Variants in PRRG4 observed in about 807,000 individuals in gnomAD.
PRRG4 encodes transmembrane gamma-carboxyglutamic acid protein 4.
A neutral mutation model predicts 20.0 loss-of-function variants in PRRG4; 12 were observed. The observed-to-expected ratio is 0.60, with a 90% confidence interval of 0.38 to 0.97. PRRG4 has a LOEUF of 0.97. PRRG4 is among the 50% of genes least tolerant of loss of function. The probability of loss-of-function intolerance (pLI) is 0.00; values close to 1 mark genes in which losing one functional copy is unlikely to be tolerated. For missense variants in PRRG4, 199 were observed against 265.1 expected, an observed-to-expected ratio of 0.75 and a Z score of 1.73; for synonymous variants, 94 against 96.4, an observed-to-expected ratio of 0.98 and a Z score of 0.15.
chr11:32,847,432 G>A (rs1435410904), intron 5 of PRRG4, among the ~76,000 whole-genome samples: 1 of 152,172 alleles, frequency 6.6e-6, no homozygotes, highest in Non-Finnish European at 1.5e-5. Context: ...AGAGCCAGGT[G>A]CAGTGGCATG....
At chr11:32,836,033 C>A (rs1333351111) in intron 2 of PRRG4, among the ~76,000 whole-genome samples, 1 of 151,956 alleles carries the variant, frequency 6.6e-6, no homozygotes. Context: ...ACCCAGGAGG[C>A]GGAGATTGCA....
chr11:32,831,611 C>G (rs1397679133), intron 2 of PRRG4, among the ~76,000 whole-genome samples: 1 of 152,206 alleles, frequency 6.6e-6, no homozygotes, highest in Non-Finnish European at 1.5e-5. Context: ...TAGTCCCTCT[C>G]AAGCTGCACC....
At chr11:32,836,565 A>G (rs1028700519) in intron 2 of PRRG4, 93 bp from the exon 3 acceptor site, 1 of 663,968 alleles carries the variant, frequency 1.5e-6, no homozygotes, top group African/African-American at 1.8e-5. Context: ...ATTTAGCCAC[A>G]TCAAGAGAAC....
intron 5 of PRRG4, among the ~76,000 whole-genome samples, chr11:32,843,730 G>GTTTTTTT (rs11367288): frequency 7.0e-6 from 1 of 141,998 alleles, no homozygotes; most frequent in Admixed American, 7.0e-5. Flanking sequence ...CCGTTTTTCT[G>GTTTTTTT]TTTTTTTTTT....
In PRRG4 at chr11:32,836,699, C is replaced by T. The variant is rs765496490; in HGVS notation, c.145C>T (p.Arg49Cys). Residue 49 changes from arginine (R) to cysteine (C), a missense_variant, in exon 3 of 6, where the codon CGC (arginine) becomes TGC (cysteine). Physicochemically the swap from Arg to Cys is radical, Grantham distance 180. Coordinates refer to ENST00000257836, the MANE Select transcript of PRRG4 (RefSeq NM_024081.6). ...AGAAGCAAACTTTTTCATACATAGACGCCTTCTGTATAATAGATTTGATCT... is the reference window on the plus strand; with the variant it reads ...AGAAGCAAACTTTTTCATACATAGATGCCTTCTGTATAATAGATTTGATCT... Reference protein sequence around the residue: ...KEEANFFIHRRLLYNRFDLEL... With the variant: ...KEEANFFIHRCLLYNRFDLEL... The T allele has an allele frequency of 6.2e-6, 10 of 1,604,232 alleles. No individual in the cohort carries two copies. Among genetic ancestry groups the T allele is most frequent in the Middle Eastern group, 1.7e-4 (1 of 6,056 alleles).
In PRRG4 at chr11:32,830,601, T is replaced by C. The variant is rs959895668; in HGVS notation, c.72T>C (p.Gly24=). 1 of 1,613,686 alleles carries C rather than the reference T, an allele frequency of 6.2e-7. No individual in the cohort carries two copies. The highest frequency in any genetic ancestry group is 8.5e-7 in the Non-Finnish European group (1 of 1,179,890). ...VTLGFPHCAR[G]PKASKHAGEE... ...TGGGGTTTCCTCATTGCGCAAGAGG[T>C]CCAAAGGCTTCTAAGCATGCGGGAG... is the stretch of plus-strand genomic sequence containing the variant. The change falls in exon 2 of 6, where the codon GGT becomes GGC. Residue 24 remains glycine (G), a synonymous_variant. Coordinates refer to ENST00000257836, the MANE Select transcript of PRRG4 (RefSeq NM_024081.6).
At chr11:32,830,487 A>ATTTTTTTTTT (rs745411497) in intron 1 of PRRG4, 21 bp from the exon 2 acceptor site, 1 of 1,406,782 alleles carries the variant, frequency 7.1e-7, no homozygotes, top group Non-Finnish European at 9.4e-7. Flanking sequence ...TTTTTTTAAT[A>ATTTTTTTTTT]TTTTTTTTTG....
In PRRG4 at chr11:32,857,802, T is replaced by A. The variant is rs1304811157; in HGVS notation, c.*4275T>A. 1 of 152,232 alleles carries A rather than the reference T, an allele frequency of 6.6e-6. No homozygotes were observed. The highest frequency in any genetic ancestry group is 1.5e-5 in the Non-Finnish European group (1 of 68,024). 9.4% of individuals were successfully genotyped at this position (152,232 alleles called of 1,614,324 possible). A position where few individuals can be genotyped will look rare whatever the true frequency, so the allele number is the denominator to read the frequency against. On this transcript the variant is annotated 3_prime_UTR_variant, in exon 6 of 6. Transcript: ENST00000257836. ...TAGGGGAATCTCTAGCATTTCTGTATTTTTAAAGAATTTGATTCTTTTGTA... is the reference window on the plus strand; with the variant it reads ...TAGGGGAATCTCTAGCATTTCTGTAATTTTAAAGAATTTGATTCTTTTGTA...
chr11:32,830,762 C>A (rs1850963331), intron 2 of PRRG4, 130 bp downstream of exon 2: 1 of 1,417,390 alleles, frequency 7.1e-7, no homozygotes, highest in South Asian at 1.3e-5. Context: ...TAATTTGTGG[C>A]ATATTTGGCA....
intron 5 of PRRG4, among the ~76,000 whole-genome samples, chr11:32,843,439 A>G (rs1192602719): frequency 2.0e-5 from 3 of 151,810 alleles, no homozygotes; most frequent in African/African-American, 7.2e-5. Context: ...TATACTATTC[A>G]GTTGGTGCAA....
intron 2 of PRRG4, among the ~76,000 whole-genome samples, chr11:32,833,678 T>TC (rs1850994640): frequency 6.6e-6 from 1 of 152,216 alleles, no homozygotes; most frequent in Admixed American, 6.5e-5. Context: ...AGACTTTAGG[T>TC]CCAAGAGTTT....
intron 5 of PRRG4, among the ~76,000 whole-genome samples, chr11:32,851,973 A>T (rs1851187175): frequency 6.6e-6 from 1 of 152,214 alleles, no homozygotes; most frequent in African/African-American, 2.4e-5. Context: ...TGATTTATTA[A>T]TGTCTAAATC....
At chr11:32,848,790 G>T (rs1328489968) in intron 5 of PRRG4, among the ~76,000 whole-genome samples, 1 of 151,740 alleles carries the variant, frequency 6.6e-6, no homozygotes, top group Non-Finnish European at 1.5e-5. Context: ...TAGCCAACAT[G>T]GTGAAATCCC....
intron 2 of PRRG4, among the ~76,000 whole-genome samples, chr11:32,834,107 C>CAGAG (rs1850998642): frequency 6.6e-6 from 1 of 152,144 alleles, no homozygotes; most frequent in Admixed American, 6.5e-5. Context: ...GGGGACCAGA[C>CAGAG]AGAGAAGGGC....
At chr11:32,829,866 G>C, upstream of PRRG4, 1 of 985,538 alleles carries the variant, frequency 1.0e-6, no homozygotes, top group Non-Finnish European at 1.2e-6. Flanking sequence ...GCCGCAGGTA[G>C]GCCCGGCCCC....
intron 2 of PRRG4, among the ~76,000 whole-genome samples, chr11:32,832,633 A>G (rs1256879790): frequency 6.6e-6 from 1 of 151,922 alleles, no homozygotes; most frequent in Non-Finnish European, 1.5e-5. Flanking sequence ...GGTGCGCACC[A>G]CTGTCCCAGC....
chr11:32,846,559 TTTC>T (rs1275992624), intron 5 of PRRG4, among the ~76,000 whole-genome samples: 2 of 150,618 alleles, frequency 1.3e-5, no homozygotes, highest in African/African-American at 2.4e-5. Context: ...ATAGTCTGGT[TTTC>T]TTAAGTAATG....
chr11:32,849,683 T>TA (rs1385182869), intron 5 of PRRG4, among the ~76,000 whole-genome samples: 4 of 151,378 alleles, frequency 2.6e-5, no homozygotes, highest in African/African-American at 9.7e-5. Flanking sequence ...AATAAAAATA[T>TA]AAAAAAATAA....
intron 2 of PRRG4, among the ~76,000 whole-genome samples, chr11:32,833,850 A>T (rs1326780823): frequency 6.8e-6 from 1 of 146,998 alleles, no homozygotes; most frequent in African/African-American, 2.5e-5. Flanking sequence ...CCAGATGGTG[A>T]TGAGTACTAT....
Sources: gnomAD v4.1 joint callset for allele counts (sites outside exome capture counted in the v4.1 genomes callset) on GRCh38, gnomAD v4.1.1 for gene constraint, MANE v1.5 for transcripts, NCBI Gene and HGNC (gene_info 2026-07-23, HGNC 2026-07-21) for gene names.